MSH4: variants seen among roughly 807,000 people sequenced by gnomAD.
MSH4 encodes the protein mutS homolog 4, also known as mutS protein homolog 4.
A neutral mutation model predicts 113.7 loss-of-function variants in MSH4; 106 were observed. The observed-to-expected ratio is 0.93, with a 90% confidence interval of 0.80 to 1.10. The LOEUF is 1.10. MSH4 is among the 50% of genes least tolerant of loss of function. The pLI is 0.00. For synonymous variants in MSH4, 368 were observed against 380.2 expected, an observed-to-expected ratio of 0.97 and a Z score of 0.37; for missense variants, 1,061 against 1,093.7, an observed-to-expected ratio of 0.97 and a Z score of 0.42.
At chr1:75,864,348 AT>A (rs1463984427) in intron 8 of MSH4, among the ~76,000 whole-genome samples, 1 of 152,168 alleles carries the variant, frequency 6.6e-6, no homozygotes, top group Non-Finnish European at 1.5e-5. Context: ...TCTTAATGTA[AT>A]TGTACATATG....
chr1:75,841,000 C>A (rs1166423721), intron 7 of MSH4, among the ~76,000 whole-genome samples: 1 of 152,054 alleles, frequency 6.6e-6, no homozygotes, highest in Non-Finnish European at 1.5e-5. Flanking sequence ...ATTTTAGCAA[C>A]AGGAGAATCC....
intron 17 of MSH4, among the ~76,000 whole-genome samples, chr1:75,891,342 A>G (rs1051480469): frequency 2.6e-5 from 4 of 152,198 alleles, no homozygotes; most frequent in Non-Finnish European, 5.9e-5. Flanking sequence ...ATATACAGAT[A>G]TGAACAAAAC....
intron 8 of MSH4, among the ~76,000 whole-genome samples, chr1:75,850,151 T>C (rs957086859): frequency 2.0e-5 from 3 of 152,064 alleles, no homozygotes; most frequent in African/African-American, 7.2e-5. Context: ...TCTTTTTTGC[T>C]CCTGTTCTTT....
chr1:75,887,123 A>G lies in MSH4; in HGVS notation c.2108-2128A>G, dbSNP rs547808959. On this transcript the variant is annotated intron_variant, in intron 15 of 19. Coordinates refer to ENST00000263187, the MANE Select transcript of MSH4 (RefSeq NM_002440.4). ...CGTTTGACTCTGTGTCTCCACCCAAATCTCACCTTGAATTGTAATCCCACG... is the reference window on the plus strand; with the variant it reads ...CGTTTGACTCTGTGTCTCCACCCAAGTCTCACCTTGAATTGTAATCCCACG... Among the ~76,000 whole-genome samples the G allele has an allele frequency of 3.9e-5, 6 of 151,928 alleles. No homozygotes were observed. In the East Asian group the frequency reaches 7.8e-4, roughly 20 times the overall value.
At chr1:75,831,305 T>A (rs1650684075) in intron 7 of MSH4, among the ~76,000 whole-genome samples, 1 of 152,130 alleles carries the variant, frequency 6.6e-6, no homozygotes. Context: ...CTTAGAGACC[T>A]ACAAAGAGAC....
chr1:75,877,036 T>G, intron 10 of MSH4, 36 bp downstream of exon 10: 2 of 1,316,610 alleles, frequency 1.5e-6, no homozygotes, highest in Non-Finnish European at 2.1e-6. Context: ...AAAATAAGAT[T>G]ATTCTCTTCT....
At chr1:75,860,809 G>T (rs1315597304) in intron 8 of MSH4, among the ~76,000 whole-genome samples, 1 of 152,166 alleles carries the variant, frequency 6.6e-6, no homozygotes, top group Non-Finnish European at 1.5e-5. Flanking sequence ...ATGTTGGCCT[G>T]TCTTGCTAGG....
intron 14 of MSH4, among the ~76,000 whole-genome samples, chr1:75,882,095 A>G (rs5745473): frequency 3.3e-5 from 5 of 152,066 alleles, no homozygotes; most frequent in Admixed American, 3.3e-4. Flanking sequence ...AGATTTTTTC[A>G]TATTTCTTAT....
intron 19 of MSH4, among the ~76,000 whole-genome samples, chr1:75,903,267 A>C (rs1412809704): frequency 6.6e-6 from 1 of 151,940 alleles, no homozygotes; most frequent in Non-Finnish European, 1.5e-5. Flanking sequence ...ATATATAGTT[A>C]TCTATTTTTC....
At chr1:75,797,642 TAAAAGAG>T (rs1454822233) in intron 1 of MSH4, among the ~76,000 whole-genome samples, 1 of 228 alleles carries the variant, frequency 4.4e-3, no homozygotes, top group African/African-American at 0.015. Flanking sequence ...TGTTTAGTAT[TAAAAGAG>T]TGGGCTGGGC....
At chr1:75,809,862 G>A (rs969942323) in intron 3 of MSH4, among the ~76,000 whole-genome samples, 4 of 152,080 alleles carry the variant, frequency 2.6e-5, no homozygotes, top group Non-Finnish European at 5.9e-5. Context: ...TGTTGGCCAA[G>A]CTGGTTGTGA....
intron 15 of MSH4, among the ~76,000 whole-genome samples, chr1:75,887,084 T>G (rs1274038792): frequency 2.0e-5 from 3 of 151,888 alleles, no homozygotes; most frequent in African/African-American, 7.3e-5. Context: ...TCTTCCCCAC[T>G]TGCCCCATTA....
At chr1:75,902,693 A>G (rs1173464733) in intron 19 of MSH4, among the ~76,000 whole-genome samples, 288 of 13,868 alleles carry the variant, frequency 0.021, 18 homozygotes, top group Admixed American at 0.07. Context: ...ATATATATAT[A>G]TATATATATA....
intron 7 of MSH4, among the ~76,000 whole-genome samples, chr1:75,843,775 C>T (rs1651019424): frequency 6.6e-6 from 1 of 151,494 alleles, no homozygotes; most frequent in Non-Finnish European, 1.5e-5. Context: ...ACAGTTTGAA[C>T]AGGTAGCAGG....
At chr1:75,805,889 A>C (rs17097567) in intron 2 of MSH4, among the ~76,000 whole-genome samples, 8,919 of 152,124 alleles carry the variant, frequency 0.059, 465 homozygotes, top group African/African-American at 0.14. Context: ...ATTAGCCAAT[A>C]ATCATTATCA....
chr1:75,822,896 A>G, intron 7 of MSH4, among the ~76,000 whole-genome samples: 1 of 151,890 alleles, frequency 6.6e-6, no homozygotes, highest in East Asian at 1.9e-4. Flanking sequence ...AGATGGGAAG[A>G]TTTGTTCAGA....
chr1:75,815,192 A>C, intron 5 of MSH4, 56 bp downstream of exon 5: 4 of 919,566 alleles, frequency 4.3e-6, no homozygotes, highest in South Asian at 1.7e-5. Context: ...ATATCATATC[A>C]AGTAAGTTAT....
Position 75,816,428 on chromosome 1 carries a change from A to C in MSH4, c.871A>C (p.Asn291His). Residue 291 changes from asparagine (N) to histidine (H), a missense_variant, in exon 6 of 20, where the codon AAT becomes CAT. By Grantham distance (68) the Asn-to-His change is moderately conservative (BLOSUM62 1). Transcript: ENST00000263187. ...GTTAAAATATGTTGAATTTATTCAA[A>C]ATTCAGTTTATGCACCAAAATCACT... ...ALLKYVEFIQ[N>H]SVYAPKSLKI... 6.2e-7 allele frequency: 1 copy of C among 1,609,348 alleles called. No individual in the cohort carries two copies. The highest frequency in any genetic ancestry group is 8.5e-7 in the Non-Finnish European group (1 of 1,177,100).
chr1:75,804,608 T>C (rs553823832), intron 2 of MSH4, among the ~76,000 whole-genome samples: 87 of 149,328 alleles, frequency 5.8e-4, no homozygotes, highest in Middle Eastern at 7.2e-3. Context: ...CTTTCCGGGT[T>C]CAAGTGATTC....
Sources: gnomAD v4.1 joint callset for allele counts (sites outside exome capture counted in the v4.1 genomes callset) on GRCh38, gnomAD v4.1.1 for gene constraint, MANE v1.5 for transcripts, NCBI Gene and HGNC (gene_info 2026-07-23, HGNC 2026-07-21) for gene names.